NALF1: variants seen among roughly 807,000 people sequenced by gnomAD.
The protein encoded by NALF1 is NALCN channel auxiliary factor 1.
Under a neutral mutation model 48.4 loss-of-function variants are expected in NALF1, and 3 were observed. The observed-to-expected ratio is 0.06, with a 90% CI of 0.03 to 0.16. NALF1 has a LOEUF of 0.16. Ranked by LOEUF, NALF1 falls within the 10% of genes least tolerant of loss-of-function variation. The pLI is 1.00. For missense variants in NALF1, 526 were observed against 571.5 expected (o/e 0.92, Z 0.81); for synonymous variants, 262 against 245.7 (o/e 1.07, Z -0.62).
intron 1 of NALF1, among the ~76,000 whole-genome samples, chr13:107,465,344 T>C (rs901140527): frequency 7.2e-5 from 11 of 151,890 alleles, no homozygotes; most frequent in Non-Finnish European, 4.4e-5. Flanking sequence ...TGTCTCTTTG[T>C]TTACTTTTTT....
intron 1 of NALF1, among the ~76,000 whole-genome samples, chr13:107,843,364 T>G (rs965733792): frequency 6.6e-6 from 1 of 152,166 alleles, no homozygotes. Context: ...ACATTCTGAC[T>G]GCATATAGTT....
At chr13:107,415,368 A>G (rs1884066833) in intron 1 of NALF1, among the ~76,000 whole-genome samples, 1 of 144,252 alleles carries the variant, frequency 6.9e-6, no homozygotes, top group Non-Finnish European at 1.6e-5. Context: ...ACCGAGGGCC[A>G]TAAGGAGAGA....
chr13:107,827,613 G>A (rs1029959286), intron 1 of NALF1, among the ~76,000 whole-genome samples: 21 of 152,102 alleles, frequency 1.4e-4, no homozygotes, highest in African/African-American at 3.4e-4. Context: ...GATCAATTTC[G>A]TTCCGTCTGC....
At chr13:107,265,810 A>T (rs982966344) in intron 1 of NALF1, among the ~76,000 whole-genome samples, 2 of 152,152 alleles carry the variant, frequency 1.3e-5, no homozygotes, top group Non-Finnish European at 2.9e-5. Context: ...ATATATTGAA[A>T]TTTTTTGGTC....
chr13:107,603,517 T>C (rs1465159096), intron 1 of NALF1, among the ~76,000 whole-genome samples: 2 of 152,288 alleles, frequency 1.3e-5, no homozygotes, highest in East Asian at 1.9e-4. Flanking sequence ...ATTTTTAATA[T>C]ACCGAAGTAT....
At chr13:107,395,242 A>G (rs1166916042) in intron 1 of NALF1, among the ~76,000 whole-genome samples, 1 of 152,160 alleles carries the variant, frequency 6.6e-6, no homozygotes, top group Non-Finnish European at 1.5e-5. Context: ...TGATCACACT[A>G]AATGAATTGA....
rs529967141 is a variant in NALF1 at position 107,605,454 on chromosome 13, G to A, written c.915+260228C>T. Among the ~76,000 whole-genome samples the A allele has an allele frequency of 6.6e-5, 10 of 152,112 alleles. No individual in the cohort carries two copies. In the South Asian group the frequency reaches 2.1e-3, roughly 32 times the overall value. On this transcript the variant is annotated intron_variant, in intron 1 of 2. Transcript: ENST00000375915. The stretch of plus-strand genomic sequence containing the variant: ...TTTGCAGATTCATAACAGAGACGAC[G>A]ACAAATTCATTATTAGGCCTATTTA...
intron 1 of NALF1, among the ~76,000 whole-genome samples, chr13:107,248,587 C>T (rs931183836): frequency 1.2e-4 from 18 of 147,514 alleles, no homozygotes; most frequent in Admixed American, 4.8e-4. Context: ...AGCCAGTAGC[C>T]ACATGTGGCT....
Position 107,543,927 on chromosome 13 carries a change from T to C in NALF1, c.915+321755A>G, listed in dbSNP as rs888515300. Among the ~76,000 whole-genome samples the C allele has an allele frequency of 2.0e-5, 3 of 152,110 alleles. No homozygotes were observed. The East Asian group carries it at 5.8e-4, about 29-fold the overall frequency. The stretch of plus-strand genomic sequence containing the variant: ...GTGGAAATATAGTGGCAATTTAGTG[T>C]TAAAATATCTATGGTTGATAAAATA... On this transcript the variant is annotated intron_variant, in intron 1 of 2. Coordinates refer to ENST00000375915, the MANE Select transcript of NALF1 (RefSeq NM_001080396.3).
intron 1 of NALF1, among the ~76,000 whole-genome samples, chr13:107,616,040 G>T (rs12584552): frequency 6.6e-6 from 1 of 151,880 alleles, no homozygotes; most frequent in Admixed American, 6.6e-5. Context: ...AGGTCCTGTC[G>T]CACAAAAATT....
intron 1 of NALF1, among the ~76,000 whole-genome samples, chr13:107,862,203 T>A (rs1232412142): frequency 2.6e-5 from 4 of 152,162 alleles, no homozygotes; most frequent in Non-Finnish European, 5.9e-5. Flanking sequence ...TTTAGAAGTT[T>A]GTCTGTAAAA....
chr13:107,588,912 A>G (rs1878529960), intron 1 of NALF1, among the ~76,000 whole-genome samples: 1 of 152,102 alleles, frequency 6.6e-6, no homozygotes, highest in South Asian at 2.1e-4. Context: ...TAGTTTAAGC[A>G]TTTGAAAATG....
intron 1 of NALF1, among the ~76,000 whole-genome samples, chr13:107,617,324 T>C (rs1397627119): frequency 6.6e-6 from 1 of 152,166 alleles, no homozygotes; most frequent in Admixed American, 6.6e-5. Context: ...TAATTTATGA[T>C]CTGTAGATTT....
chr13:107,803,986 TCTC>T (rs1425254050), intron 1 of NALF1, among the ~76,000 whole-genome samples: 1 of 152,114 alleles, frequency 6.6e-6, no homozygotes, highest in Non-Finnish European at 1.5e-5. Flanking sequence ...TCCATTGACT[TCTC>T]CTTCCCTGTA....
At chr13:107,219,433 A>G (rs1307312042) in intron 1 of NALF1, among the ~76,000 whole-genome samples, 1 of 152,188 alleles carries the variant, frequency 6.6e-6, no homozygotes, top group Non-Finnish European at 1.5e-5. Context: ...GAGAATGTTG[A>G]AAAGGGTTTA....
intron 1 of NALF1, among the ~76,000 whole-genome samples, chr13:107,751,655 A>G (rs1333856197): frequency 1.3e-5 from 2 of 152,206 alleles, no homozygotes; most frequent in African/African-American, 2.4e-5. Context: ...TTGAAGGCCT[A>G]TTAAGATACT....
intron 1 of NALF1, among the ~76,000 whole-genome samples, chr13:107,747,184 A>C (rs1876804143): frequency 6.6e-6 from 1 of 152,184 alleles, no homozygotes; most frequent in African/African-American, 2.4e-5. Flanking sequence ...ACATGGCTAT[A>C]ATTTCCATCT....
At chr13:107,423,986 T>C (rs888539209) in intron 1 of NALF1, among the ~76,000 whole-genome samples, 1 of 152,136 alleles carries the variant, frequency 6.6e-6, no homozygotes, top group Admixed American at 6.6e-5. Context: ...TCCTCTACTG[T>C]AGGCTACTAG....
At chr13:107,789,072 C>T (rs1254673026) in intron 1 of NALF1, 2 of 152,048 alleles carry the variant, frequency 1.3e-5, no homozygotes, top group Admixed American at 1.3e-4. Flanking sequence ...TTGACCTCTC[C>T]CTCGGGTTGC....
Sources: gnomAD v4.1 joint callset for allele counts (sites outside exome capture counted in the v4.1 genomes callset) on GRCh38, gnomAD v4.1.1 for gene constraint, MANE v1.5 for transcripts, NCBI Gene and HGNC (gene_info 2026-07-23, HGNC 2026-07-21) for gene names.